The following LCOR variants were observed in gnomAD, a reference collection of about 807,000 sequenced individuals.
The protein encoded by LCOR is ligand dependent nuclear receptor corepressor.
Under a neutral mutation model 64.4 loss-of-function variants are expected in LCOR, and 14 were observed. The ratio of observed to expected loss-of-function variants is 0.22; its 90% CI spans 0.14 to 0.34. LCOR has a LOEUF of 0.34. Ranked by LOEUF, LCOR falls within the 10% of genes least tolerant of loss-of-function variation. The pLI is 1.00. For synonymous variants in LCOR, 643 were observed against 642.5 expected (o/e 1.00, Z -0.01); for missense variants, 1,686 against 1,765.3 (o/e 0.96, Z 0.80).
Position 96,949,112 on chromosome 10 carries a change from A to G in LCOR, c.55A>G (p.Thr19Ala). ...TGAATATACCTCAAAAAATAGCTCT[A>G]CTCAGGACCCCAGCCAGCCCAATAG... The part of the protein sequence containing the change: ...AAEYTSKNSS[T>A]QDPSQPNSTK... Residue 19 changes from threonine (T) to alanine (A), a missense_variant, in exon 6 of 8, where the codon ACT becomes GCT. Coordinates refer to ENST00000421806, the MANE Select transcript of LCOR (RefSeq NM_001346516.2). 2 of 1,613,948 alleles carry G rather than the reference A, an allele frequency of 1.2e-6. No individual in the cohort carries two copies. The highest frequency in any genetic ancestry group is 1.6e-4 in the Middle Eastern group (1 of 6,062).
At chr10:96,935,139 CTTTTTTTTT>C (rs34176037) in intron 4 of LCOR, among the ~76,000 whole-genome samples, 23 of 65,552 alleles carry the variant, frequency 3.5e-4, no homozygotes, top group Admixed American at 2.9e-3. Context: ...GGCTATTTTA[CTTTTTTTTT>C]TTTTTTTTTT....
chr10:96,946,355 TAAGTA>T (rs1847590111), intron 5 of LCOR, among the ~76,000 whole-genome samples: 1 of 152,098 alleles, frequency 6.6e-6, no homozygotes, highest in East Asian at 1.9e-4. Flanking sequence ...TATGTATAGT[TAAGTA>T]GAATCAGAGA....
At position 96,949,133 on chromosome 10, in the gene LCOR, A is replaced by T; in HGVS notation, c.76A>T (p.Asn26Tyr). 6.2e-7 allele frequency: 1 copy of T among 1,614,092 alleles called. No individual in the cohort carries two copies. The highest frequency in any genetic ancestry group is 8.5e-7 in the Non-Finnish European group (1 of 1,179,998). Reference sequence around the variant, plus strand: ...CTCTACTCAGGACCCCAGCCAGCCCAATAGCACAAAGAACCAAAGCCTGCC... The same window carrying T: ...CTCTACTCAGGACCCCAGCCAGCCCTATAGCACAAAGAACCAAAGCCTGCC... ...NSSTQDPSQP[N>Y]STKNQSLPKA... Residue 26 changes from asparagine to tyrosine, a missense_variant, in exon 6 of 8, where the codon AAT becomes TAT. Physicochemically the swap from Asn to Tyr is moderately radical, Grantham distance 143. Coordinates refer to ENST00000421806, the MANE Select transcript of LCOR (RefSeq NM_001346516.2).
chr10:96,849,059 G>GTTTTTTT (rs1564601890), intron 2 of LCOR, among the ~76,000 whole-genome samples: 1 of 21,792 alleles, frequency 4.6e-5, no homozygotes, highest in Non-Finnish European at 1.1e-4. Context: ...CTGGCTAATT[G>GTTTTTTT]TCTTTTTTTT....
intron 5 of LCOR, among the ~76,000 whole-genome samples, chr10:96,946,238 A>G (rs1031321760): frequency 2.0e-5 from 3 of 152,084 alleles, no homozygotes; most frequent in African/African-American, 7.2e-5. Flanking sequence ...TATGATGGAC[A>G]TTTTAGTCTG....
chr10:96,837,573 C>T (rs932402827), intron 2 of LCOR, among the ~76,000 whole-genome samples: 7 of 152,158 alleles, frequency 4.6e-5, no homozygotes, highest in Non-Finnish European at 8.8e-5. Flanking sequence ...CTTTTTTAAA[C>T]CACCTTTACA....
chr10:96,915,208 A>C (rs1215696628), intron 4 of LCOR, among the ~76,000 whole-genome samples: 1 of 152,188 alleles, frequency 6.6e-6, no homozygotes, highest in Non-Finnish European at 1.5e-5. Context: ...GTGTGCTCAC[A>C]GCATAGCTTT....
In LCOR at chr10:96,832,404, G is replaced by T; in HGVS notation, c.-404+5G>T. The T allele has an allele frequency of 2.0e-6, 2 of 981,132 alleles. No homozygotes were observed. Among genetic ancestry groups the T allele is most frequent in the South Asian group, 4.6e-5 (1 of 21,718 alleles). 60.8% of individuals were successfully genotyped at this position (981,132 alleles called of 1,614,324 possible). On this transcript the variant is annotated splice_donor_5th_base_variant and intron_variant, in intron 1 of 7. Coordinates refer to ENST00000421806, the MANE Select transcript of LCOR (RefSeq NM_001346516.2). ...ACAAGCTCATTCACTGTGTAGGTGAGACCCTCCGCCGACCGCCGCCGCCCC... is the reference window on the plus strand; with the variant it reads ...ACAAGCTCATTCACTGTGTAGGTGATACCCTCCGCCGACCGCCGCCGCCCC...
intron 7 of LCOR, among the ~76,000 whole-genome samples, chr10:96,972,293 T>C (rs1051336135): frequency 6.6e-5 from 10 of 152,258 alleles, no homozygotes; most frequent in Admixed American, 6.5e-4. Flanking sequence ...CTCCCTTTTT[T>C]TAAAAAATTA....
At chr10:96,857,081 T>C (rs968025832) in intron 2 of LCOR, among the ~76,000 whole-genome samples, 6 of 145,984 alleles carry the variant, frequency 4.1e-5, no homozygotes, top group Non-Finnish European at 7.5e-5. Context: ...ACTATAGATA[T>C]ATATATGTAT....
At chr10:96,975,586 C>T (rs1264631904) in intron 7 of LCOR, among the ~76,000 whole-genome samples, 2 of 151,536 alleles carry the variant, frequency 1.3e-5, no homozygotes, top group African/African-American at 4.9e-5. Flanking sequence ...GTCCCTTTTC[C>T]CTCTCCTCTT....
chr10:96,835,234 A>G (rs943092507), intron 2 of LCOR, among the ~76,000 whole-genome samples: 2 of 152,144 alleles, frequency 1.3e-5, no homozygotes, highest in African/African-American at 4.8e-5. Flanking sequence ...TGACTGATAA[A>G]TTATTTCTGT....
At chr10:96,957,695 A>G in intron 7 of LCOR, 1 of 985,414 alleles carries the variant, frequency 1.0e-6, no homozygotes, top group South Asian at 4.7e-5. Flanking sequence ...ACTTTGGAGC[A>G]ATTAATTAAA....
rs142746806 is a variant in LCOR at position 96,851,004 on chromosome 10, A to C, written c.-330+17525A>C. ...GGAATGTGCTAATAATGCAGCAGGC[A>C]TGCATAAGAGTAAACTTGATGTAAT... On this transcript the variant is annotated intron_variant, in intron 2 of 7. Transcript: ENST00000421806. 3.9e-3 allele frequency among the ~76,000 whole-genome samples: 593 copies of C among 152,374 alleles called. 1 individual carries two copies. Among genetic ancestry groups the C allele is most frequent in the Non-Finnish European group, 6.2e-3 (425 of 68,036 alleles).
intron 2 of LCOR, among the ~76,000 whole-genome samples, chr10:96,867,838 A>G (rs1308183772): frequency 1.3e-5 from 2 of 152,150 alleles, no homozygotes; most frequent in African/African-American, 4.8e-5. Context: ...CTGTTTTTTC[A>G]AGATAGCCTA....
chr10:96,979,872 G>A (rs1046931843), intron 7 of LCOR, among the ~76,000 whole-genome samples: 11 of 152,238 alleles, frequency 7.2e-5, no homozygotes, highest in Admixed American at 1.3e-4. Flanking sequence ...AGCCGAGTGC[G>A]GCGGCTCACG....
Position 96,994,087 on chromosome 10 carries a change from T to C in LCOR, c.*8953T>C, listed in dbSNP as rs1476238244. ...ACCAGACACATCAAAATTGGGCACA[T>C]AGATGGAAAATTTTGCAATTTTTCA... is the stretch of plus-strand genomic sequence containing the variant. On this transcript the variant is annotated 3_prime_UTR_variant, in exon 8 of 8. Transcript: ENST00000421806. 1 of 152,136 alleles carries C rather than the reference T, an allele frequency of 6.6e-6. No individual in the cohort carries two copies. Among genetic ancestry groups the C allele is most frequent in the East Asian group, 1.9e-4 (1 of 5,192 alleles). The allele number at this position is 152,136 out of a possible 1,614,324, so 9.4% of individuals were successfully genotyped here.
intron 6 of LCOR, among the ~76,000 whole-genome samples, chr10:96,949,758 G>T (rs1474688536): frequency 2.0e-5 from 3 of 152,246 alleles, no homozygotes; most frequent in African/African-American, 4.8e-5. Context: ...TTTTGAGAAA[G>T]AAACTGCTAG....
chr10:96,915,746 G>T, intron 4 of LCOR: 1 of 645,468 alleles, frequency 1.5e-6, no homozygotes, highest in Non-Finnish European at 2.9e-6. Context: ...TTTCCCTTTG[G>T]GTACCTTCTC....
Sources: allele counts gnomAD v4.1 joint callset (sites outside exome capture counted in the v4.1 genomes callset), GRCh38; gene constraint gnomAD v4.1.1; transcripts MANE v1.5; gene names NCBI Gene and HGNC (gene_info 2026-07-23, HGNC 2026-07-21).